BTD: variants seen among roughly 807,000 people sequenced by gnomAD.
The protein encoded by BTD is biotinidase.
In BTD, 13 loss-of-function variants were observed where a neutral mutation model predicts 17.7. The observed-to-expected ratio is 0.74, with a 90% CI of 0.48 to 1.17. The LOEUF is 1.17. Among genes scored for constraint, BTD ranks in the 50% most tolerant of loss-of-function variants. The pLI is 0.00. For synonymous variants in BTD, 240 were observed against 245.2 expected (o/e 0.98, Z 0.20); for missense variants, 674 against 650.4 (o/e 1.04, Z -0.39).
At chr3:15,636,725 T>A (rs567070381) in intron 2 of BTD, among the ~76,000 whole-genome samples, 1 of 142,238 alleles carries the variant, frequency 7.0e-6, no homozygotes, top group Admixed American at 7.6e-5. Context: ...ATTAAAAAAT[T>A]GCAACATTTT....
Position 15,647,533 on chromosome 3 carries a change from C to T in BTD, c.*2045C>T, listed in dbSNP as rs553354852. The T allele has an allele frequency of 6.6e-6, 1 of 152,274 alleles. No homozygotes were observed. The highest frequency in any genetic ancestry group is 2.1e-4 in the South Asian group (1 of 4,820). The allele number at this position is 152,274 out of a possible 1,614,324, so 9.4% of individuals were successfully genotyped here. A position where few individuals can be genotyped will look rare whatever the true frequency, so the allele number is the denominator to read the frequency against. ...CGTGAAGTAGAAATGAGGGGAAAAG[C>T]AACTAATGGTGGTAGAACAAAGTAA... On this transcript the variant is annotated 3_prime_UTR_variant, in exon 4 of 4. Coordinates refer to ENST00000643237, the MANE Select transcript of BTD (RefSeq NM_001370658.1).
At position 15,645,343 on chromosome 3, in the gene BTD, T is replaced by G. The variant is rs886058117; in HGVS notation, c.1427T>G (p.Phe476Cys). 6.2e-7 allele frequency: 1 copy of G among 1,614,074 alleles called. No homozygotes were observed. The highest frequency in any genetic ancestry group is 1.3e-5 in the African/African-American group (1 of 74,910). The stretch of plus-strand genomic sequence containing the variant: ...GGCAACTTCAGTACTTCCTATATCT[T>G]TCCTTTGTTTCTGACCTCAGGGATG... ...LWGNFSTSYI[F>C]PLFLTSGMTL... Residue 476 changes from phenylalanine (F) to cysteine (C), a missense_variant, in exon 4 of 4, where the codon TTT becomes TGT. Coordinates refer to ENST00000643237, the MANE Select transcript of BTD (RefSeq NM_001370658.1).
chr3:15,617,297 A>G (rs1315308805), intron 1 of BTD, among the ~76,000 whole-genome samples: 2 of 152,216 alleles, frequency 1.3e-5, no homozygotes, highest in African/African-American at 2.4e-5. Context: ...TTGCAGATCA[A>G]AAGTTTTACA....
At chr3:15,706,388 C>G (rs2126010197) in intron 3 of BTD, among the ~76,000 whole-genome samples, 1 of 149,878 alleles carries the variant, frequency 6.7e-6, no homozygotes, top group South Asian at 2.1e-4. Flanking sequence ...ATGTTTCCAG[C>G]TTCATCCATG....
intron 1 of BTD, among the ~76,000 whole-genome samples, chr3:15,622,147 A>C (rs1462135485): frequency 6.6e-6 from 1 of 151,730 alleles, no homozygotes; most frequent in African/African-American, 2.4e-5. Flanking sequence ...CCTGCTTTAC[A>C]TTTCATTGAT....
intron 3 of BTD, among the ~76,000 whole-genome samples, chr3:15,689,383 A>G (rs2068516152): frequency 6.6e-6 from 1 of 152,222 alleles, no homozygotes; most frequent in South Asian, 2.1e-4. Context: ...AGAATTGGCC[A>G]ATGTTAGCAT....
chr3:15,705,697 T>G (rs1000804457), intron 3 of BTD, among the ~76,000 whole-genome samples: 2 of 152,228 alleles, frequency 1.3e-5, no homozygotes, highest in Non-Finnish European at 2.9e-5. Flanking sequence ...CACATTACTA[T>G]TGCCTTTAAG....
In BTD at chr3:15,626,509, A is replaced by C. The variant is rs1051177696; in HGVS notation, c.-16-8915A>C. Reference sequence around the variant, plus strand: ...CAGGTAAAGCTGTAGGACAGAGGCCAGGCATGGTGGCTCACAGCTGTAATC... The same window carrying C: ...CAGGTAAAGCTGTAGGACAGAGGCCCGGCATGGTGGCTCACAGCTGTAATC... On this transcript the variant is annotated intron_variant, in intron 1 of 3. Transcript: ENST00000643237. 1.1e-4 allele frequency among the ~76,000 whole-genome samples: 16 copies of C among 152,344 alleles called. 4 individuals carry two copies. The highest frequency in any genetic ancestry group is 1.9e-4 in the East Asian group (1 of 5,194).
chr3:15,710,682 G>A (rs2072146843), exon 4 of BTD, among the ~76,000 whole-genome samples: 1 of 152,164 alleles, frequency 6.6e-6, no homozygotes, highest in Non-Finnish European at 1.5e-5. Flanking sequence ...CAGAGGCCAT[G>A]AGTTTTAGCT....
At chr3:15,614,399 G>C (rs1269085772) in intron 1 of BTD, among the ~76,000 whole-genome samples, 1 of 151,940 alleles carries the variant, frequency 6.6e-6, no homozygotes, top group Non-Finnish European at 1.5e-5. Flanking sequence ...ACAGGCATGA[G>C]CCATTGCACC....
Position 15,651,352 on chromosome 3 carries a change from T to G in BTD, c.*5864T>G, listed in dbSNP as rs1189329763. The stretch of plus-strand genomic sequence containing the variant: ...CAGGAGGGAGACTGCAAATCTTGAT[T>G]GAGGAGATCTTAAGAACAGAGTGAT... On this transcript the variant is annotated 3_prime_UTR_variant, in exon 4 of 4. Transcript: ENST00000643237. Among the ~76,000 whole-genome samples the G allele has an allele frequency of 1.3e-5, 2 of 152,130 alleles. No homozygotes were observed. The highest frequency in any genetic ancestry group is 3.9e-4 in the East Asian group (2 of 5,188).
chr3:15,621,526 G>A (rs939190804), intron 1 of BTD, among the ~76,000 whole-genome samples: 1 of 151,994 alleles, frequency 6.6e-6, no homozygotes, highest in African/African-American at 2.4e-5. Flanking sequence ...AATACATATA[G>A]GCCTCTTCAG....
intron 2 of BTD, among the ~76,000 whole-genome samples, chr3:15,637,216 C>T (rs1482601587): frequency 6.6e-6 from 1 of 152,108 alleles, no homozygotes; most frequent in Non-Finnish European, 1.5e-5. Context: ...AAACCTTCTA[C>T]TGAAGACTTC....
intron 3 of BTD, among the ~76,000 whole-genome samples, chr3:15,681,988 C>T (rs1319520540): frequency 1.3e-5 from 2 of 152,004 alleles, no homozygotes; most frequent in African/African-American, 2.4e-5. Context: ...TAAGATACAG[C>T]AATGGAAAGT....
intron 1 of BTD, among the ~76,000 whole-genome samples, chr3:15,617,693 A>T (rs1403631394): frequency 6.6e-6 from 1 of 152,266 alleles, no homozygotes; most frequent in African/African-American, 2.4e-5. Flanking sequence ...ATTTGAGTCC[A>T]GCCTAGGCAA....
chr3:15,683,343 T>C (rs1478184146), intron 3 of BTD, among the ~76,000 whole-genome samples: 1 of 152,198 alleles, frequency 6.6e-6, no homozygotes, highest in African/African-American at 2.4e-5. Flanking sequence ...TCAAGTCACA[T>C]TACAGAAACA....
At chr3:15,686,144 AGT>A in intron 3 of BTD, 1 of 1,606,958 alleles carries the variant, frequency 6.2e-7, no homozygotes, top group Non-Finnish European at 8.5e-7. Flanking sequence ...GAATAGGTTC[AGT>A]GCTGTCACTT....
At chr3:15,696,584 G>T (rs994448080) in intron 3 of BTD, among the ~76,000 whole-genome samples, 1 of 151,834 alleles carries the variant, frequency 6.6e-6, no homozygotes, top group Admixed American at 6.6e-5. Flanking sequence ...TAAACTTTTC[G>T]TGGTGGTGAG....
At chr3:15,626,956 A>G (rs1303415781) in intron 1 of BTD, among the ~76,000 whole-genome samples, 1 of 152,134 alleles carries the variant, frequency 6.6e-6, no homozygotes, top group Non-Finnish European at 1.5e-5. Context: ...GCATGCAAAT[A>G]GTTACTCATT....
Sources: gnomAD v4.1 joint callset for allele counts (sites outside exome capture counted in the v4.1 genomes callset) on GRCh38, gnomAD v4.1.1 for gene constraint, MANE v1.5 for transcripts, NCBI Gene and HGNC (gene_info 2026-07-23, HGNC 2026-07-21) for gene names.